The following LYZL4 variants were observed in gnomAD, a reference collection of about 807,000 sequenced individuals.
LYZL4 encodes the protein lysozyme-like protein 4.
LYZL4 carries 13 observed loss-of-function variants against 17.6 expected under a neutral mutation model. That is an observed-to-expected ratio of 0.74 (90% confidence interval 0.48 to 1.18). LYZL4 has a LOEUF of 1.18. Ranked by LOEUF, LYZL4 falls within the 50% of genes most tolerant of loss-of-function variation. The pLI is 0.00. For missense variants in LYZL4, 174 were observed against 188.2 expected (o/e 0.92, Z 0.44); for synonymous variants, 64 against 67.7 (o/e 0.95, Z 0.27).
chr3:42,407,139 T>C lies in LYZL4; in HGVS notation c.113A>G (p.Tyr38Cys). 1 of 1,614,126 alleles carries C rather than the reference T, an allele frequency of 6.2e-7. No homozygotes were observed. Among genetic ancestry groups the C allele is most frequent in the Non-Finnish European group, 8.5e-7 (1 of 1,180,030 alleles). Reference protein sequence around the residue: ...AKKLHDGGLDYFEGYSLENWV... With the variant: ...AKKLHDGGLDCFEGYSLENWV... ...GTTCTCAAGGCTATAGCCCTCAAAA[T>C]AATCCAGGCCTCCATCGTGGAGTTT... The change falls in exon 2 of 5, where the codon TAT becomes TGT. Residue 38 changes from tyrosine (Y) to cysteine (C), a missense_variant. Tyr to Cys is a radical substitution (Grantham distance 194). Transcript: ENST00000287748.
the LYZL4 span, among the ~76,000 whole-genome samples, chr3:42,379,083 G>C: frequency 6.6e-6 from 1 of 152,076 alleles, no homozygotes; most frequent in African/African-American, 2.4e-5. Flanking sequence ...AAACTGAGTG[G>C]CTTATACCAA....
intron 3 of LYZL4, among the ~76,000 whole-genome samples, chr3:42,406,453 C>CAAAAAAAAA (rs565639489): frequency 1.5e-4 from 13 of 84,120 alleles, no homozygotes; most frequent in African/African-American, 2.1e-4. Context: ...GACTCCGTCT[C>CAAAAAAAAA]AAAAAAAAAA....
At position 42,406,884 on chromosome 3, in the gene LYZL4, C is replaced by T; in HGVS notation, c.254G>A (p.Gly85Asp). ...ATGGCAGCGGTTCCTGCCATGGTCG[C>T]CACACCAGTCACTGCCACGCATCTG... ...LFQMRGSDWC[G>D]DHGRNRCHMS... The change falls in exon 3 of 5, where the codon GGC (glycine) becomes GAC (aspartate). Residue 85 changes from glycine (G) to aspartate (D), a missense_variant. Gly to Asp is a moderately conservative substitution (Grantham distance 94). Transcript: ENST00000287748. The T allele has an allele frequency of 6.2e-7, 1 of 1,614,206 alleles. No individual in the cohort carries two copies. Among genetic ancestry groups the T allele is most frequent in the Admixed American group, 1.7e-5 (1 of 60,022 alleles).
chr3:42,405,158 C>A (rs528380576), intron 3 of LYZL4, among the ~76,000 whole-genome samples: 1 of 152,238 alleles, frequency 6.6e-6, no homozygotes, highest in South Asian at 2.1e-4. Context: ...ACGCCATTCT[C>A]CTGCCTCAGC....
the LYZL4 span, among the ~76,000 whole-genome samples, chr3:42,369,888 A>G: frequency 2.0e-5 from 3 of 152,118 alleles, no homozygotes; most frequent in African/African-American, 7.2e-5. Flanking sequence ...CCTGGGTCTG[A>G]GCAGGAATAT....
downstream of LYZL4, among the ~76,000 whole-genome samples, chr3:42,394,337 C>T (rs9881195): frequency 0.02 from 3,058 of 152,160 alleles, 97 homozygotes; most frequent in African/African-American, 0.069. Flanking sequence ...CAATATAGTA[C>T]CAGGGTTTGG....
the LYZL4 span, among the ~76,000 whole-genome samples, chr3:42,377,267 C>T: frequency 1.3e-5 from 2 of 152,158 alleles, no homozygotes; most frequent in Non-Finnish European, 2.9e-5. Flanking sequence ...ATACAATCTC[C>T]TTTAACCCTC....
downstream of LYZL4, among the ~76,000 whole-genome samples, chr3:42,393,550 A>G (rs1698516193): frequency 6.6e-6 from 1 of 152,312 alleles, no homozygotes; most frequent in African/African-American, 2.4e-5. Context: ...AGGAAAAATG[A>G]GGCTCAAGGA....
chr3:42,363,630 T>C, the LYZL4 span, among the ~76,000 whole-genome samples: 1 of 152,186 alleles, frequency 6.6e-6, no homozygotes, highest in African/African-American at 2.4e-5. Flanking sequence ...CCACATTCTC[T>C]GTTGAAACTT....
At chr3:42,393,796 T>A (rs1698518598), downstream of LYZL4, among the ~76,000 whole-genome samples, 2 of 152,018 alleles carry the variant, frequency 1.3e-5, no homozygotes, top group Non-Finnish European at 1.5e-5. Context: ...CAGGTGATTT[T>A]TGTTTGTTTT....
chr3:42,404,296 A>G (rs1698710336), intron 3 of LYZL4, among the ~76,000 whole-genome samples, 172 bp from the exon 4 acceptor site: 1 of 152,214 alleles, frequency 6.6e-6, no homozygotes. Context: ...GGATGGAGTC[A>G]TCTTTTTACC....
Position 42,407,181 on chromosome 3 carries a change from C to T in LYZL4, c.71G>A (p.Arg24His), listed in dbSNP as rs575140508. 60 of 1,614,144 alleles carry T rather than the reference C, an allele frequency of 3.7e-5. No individual in the cohort carries two copies. In the Middle Eastern group the frequency reaches 4.9e-4, roughly 13 times the overall value. Residue 24 changes from arginine to histidine, a missense_variant, in exon 2 of 5, where the codon CGT (arginine) becomes CAT (histidine). Physicochemically the swap from Arg to His is conservative, Grantham distance 29. Transcript: ENST00000287748. Reference sequence around the variant, plus strand: ...GTGGAGTTTCTTAGCCACTGTGCAACGCCCCAAGATGTAAGCACCACTTGG... The same window carrying T: ...GTGGAGTTTCTTAGCCACTGTGCAATGCCCCAAGATGTAAGCACCACTTGG... Reference protein sequence around the residue: ...VVPSGAYILGRCTVAKKLHDG... With the variant: ...VVPSGAYILGHCTVAKKLHDG...
chr3:42,364,966 G>A, the LYZL4 span, among the ~76,000 whole-genome samples: 1 of 152,130 alleles, frequency 6.6e-6, no homozygotes, highest in Non-Finnish European at 1.5e-5. Context: ...AGACAAAAGG[G>A]TCATCTGGGC....
the LYZL4 span, among the ~76,000 whole-genome samples, chr3:42,390,512 C>G: frequency 2.0e-5 from 3 of 152,006 alleles, no homozygotes; most frequent in Admixed American, 6.6e-5. Flanking sequence ...AGGTGGATTA[C>G]ACTGGACCCC....
the LYZL4 span, among the ~76,000 whole-genome samples, chr3:42,372,352 C>T: frequency 2.0e-5 from 3 of 152,176 alleles, no homozygotes; most frequent in Non-Finnish European, 4.4e-5. Context: ...AATACTGTGT[C>T]TGACATATAG....
the LYZL4 span, among the ~76,000 whole-genome samples, chr3:42,367,532 G>A: frequency 6.6e-6 from 1 of 152,196 alleles, no homozygotes; most frequent in Admixed American, 6.5e-5. Flanking sequence ...TGGAGGGCAT[G>A]AGAACGGGCC....
intron 4 of LYZL4, among the ~76,000 whole-genome samples, chr3:42,400,356 G>A (rs1698633821): frequency 6.6e-6 from 1 of 152,176 alleles, no homozygotes; most frequent in African/African-American, 2.4e-5. Context: ...ATAACCTGGT[G>A]ACCTGAGGCT....
the LYZL4 span, among the ~76,000 whole-genome samples, chr3:42,374,195 G>A: frequency 3.3e-5 from 5 of 152,120 alleles, no homozygotes; most frequent in Non-Finnish European, 7.4e-5. Context: ...TGCATTGAAA[G>A]CTCAGGAATT....
intron 4 of LYZL4, 127 bp from the exon 5 acceptor site, chr3:42,397,461 C>T (rs1260689188): frequency 3.1e-6 from 2 of 635,480 alleles, no homozygotes; most frequent in East Asian, 2.8e-5. Flanking sequence ...CCACCTCTGC[C>T]GTGGGCACGA....
Sources: allele counts gnomAD v4.1 joint callset (sites outside exome capture counted in the v4.1 genomes callset), GRCh38; gene constraint gnomAD v4.1.1; transcripts MANE v1.5; gene names NCBI Gene and HGNC (gene_info 2026-07-23, HGNC 2026-07-21).